The following AGBL4 variants were observed in gnomAD, a reference collection of about 807,000 sequenced individuals.
AGBL4 encodes the protein cytosolic carboxypeptidase 6.
In AGBL4, 58 loss-of-function variants were observed where a neutral mutation model predicts 66.4. The ratio of observed to expected loss-of-function variants is 0.87; its 90% CI spans 0.71 to 1.09. The LOEUF (loss-of-function observed/expected upper bound fraction) is 1.09. Among genes scored for constraint, AGBL4 ranks in the 50% least tolerant of loss-of-function variants. The pLI is 0.00. For synonymous variants in AGBL4, 234 were observed against 222.9 expected, an observed-to-expected ratio of 1.05 and a Z score of -0.44; for missense variants, 579 against 631.0, an observed-to-expected ratio of 0.92 and a Z score of 0.88.
chr1:48,651,405 G>A (rs113464592), intron 8 of AGBL4, among the ~76,000 whole-genome samples: 5 of 152,244 alleles, frequency 3.3e-5, no homozygotes, highest in East Asian at 1.9e-4. Context: ...AGTCCTTCCC[G>A]AGACAGCAGA....
At chr1:49,717,011 C>T (rs1648198445) in intron 2 of AGBL4, among the ~76,000 whole-genome samples, 1 of 151,916 alleles carries the variant, frequency 6.6e-6, no homozygotes, top group African/African-American at 2.4e-5. Flanking sequence ...ATGACATGAT[C>T]ATAGATTTAG....
At chr1:49,831,656 G>T (rs1645683538) in intron 2 of AGBL4, among the ~76,000 whole-genome samples, 1 of 152,156 alleles carries the variant, frequency 6.6e-6, no homozygotes, top group African/African-American at 2.4e-5. Context: ...TGTTGAATAG[G>T]AGTGGTGAGA....
chr1:49,295,521 C>T (rs745335159), intron 3 of AGBL4, among the ~76,000 whole-genome samples: 42 of 152,262 alleles, frequency 2.8e-4, no homozygotes, highest in Non-Finnish European at 5.1e-4. Flanking sequence ...TGTGAAACAA[C>T]ATAGTGTAGT....
Position 49,369,954 on chromosome 1 carries a change from T to C in AGBL4, c.283-124090A>G, listed in dbSNP as rs1041718298. On this transcript the variant is annotated intron_variant, in intron 3 of 13. Transcript: ENST00000371839. ...GTCAAAGGCTTAAATAGAATGAAAA[T>C]ACCACCCTCCTTGAGCAAGAAGAGT... Among the ~76,000 whole-genome samples the C allele has an allele frequency of 2.8e-4, 42 of 151,386 alleles. 1 individual carries two copies. The highest frequency in any genetic ancestry group is 9.4e-4 in the African/African-American group (39 of 41,296).
intron 3 of AGBL4, among the ~76,000 whole-genome samples, chr1:49,286,342 G>T (rs1333525528): frequency 1.3e-5 from 2 of 151,654 alleles, no homozygotes; most frequent in African/African-American, 4.9e-5. Flanking sequence ...ATTCAACATA[G>T]TATTGGAAGT....
At chr1:49,652,640 C>T (rs943500347) in intron 3 of AGBL4, among the ~76,000 whole-genome samples, 2 of 152,160 alleles carry the variant, frequency 1.3e-5, no homozygotes, top group African/African-American at 4.8e-5. Flanking sequence ...GTTGTTTTCC[C>T]CTGCTGCCAG....
At chr1:49,621,800 C>A (rs1459821225) in intron 3 of AGBL4, among the ~76,000 whole-genome samples, 3 of 152,194 alleles carry the variant, frequency 2.0e-5, no homozygotes, top group African/African-American at 7.2e-5. Context: ...ATGATACAAT[C>A]TGTGTGTGGA....
At chr1:48,910,623 G>C (rs1202593858) in intron 5 of AGBL4, among the ~76,000 whole-genome samples, 2 of 151,618 alleles carry the variant, frequency 1.3e-5, no homozygotes, top group African/African-American at 4.9e-5. Context: ...ACAGAAGCAA[G>C]AGAAAGAATG....
intron 2 of AGBL4, among the ~76,000 whole-genome samples, chr1:49,703,013 C>G (rs566008857): frequency 6.6e-6 from 1 of 152,170 alleles, no homozygotes; most frequent in South Asian, 2.1e-4. Flanking sequence ...AACATTATCC[C>G]TCTAAGATCA....
chr1:48,589,762 TC>T (rs957759399), intron 10 of AGBL4, among the ~76,000 whole-genome samples: 5 of 152,164 alleles, frequency 3.3e-5, no homozygotes, highest in African/African-American at 1.2e-4. Context: ...GAAATTATCG[TC>T]CAGCAATTAC....
chr1:49,701,805 A>G (rs1181525265), intron 2 of AGBL4, among the ~76,000 whole-genome samples: 2 of 152,164 alleles, frequency 1.3e-5, no homozygotes, highest in African/African-American at 4.8e-5. Flanking sequence ...AGGACATACT[A>G]TAACCAACTG....
At chr1:48,771,023 C>T (rs1644799292) in intron 6 of AGBL4, among the ~76,000 whole-genome samples, 1 of 152,208 alleles carries the variant, frequency 6.6e-6, no homozygotes, top group Non-Finnish European at 1.5e-5. Flanking sequence ...AAATCTCTAT[C>T]TCACAAGGAT....
At chr1:48,873,554 C>T (rs929290996) in intron 5 of AGBL4, among the ~76,000 whole-genome samples, 2 of 152,118 alleles carry the variant, frequency 1.3e-5, no homozygotes, top group African/African-American at 4.8e-5. Context: ...GCTGTGCCCT[C>T]TTTATTTCTC....
intron 5 of AGBL4, among the ~76,000 whole-genome samples, chr1:49,006,283 C>T (rs927656262): frequency 3.3e-5 from 5 of 152,134 alleles, no homozygotes; most frequent in African/African-American, 7.2e-5. Context: ...CCTGGAAAAT[C>T]GGGTCACTCC....
chr1:49,995,602 C>A, intron 1 of AGBL4: 1 of 254,984 alleles, frequency 3.9e-6, no homozygotes, highest in Non-Finnish European at 7.9e-6. Context: ...CTCTTGGGAA[C>A]TCTATGCCCC....
chr1:49,934,146 G>T (rs1653675880), intron 1 of AGBL4, among the ~76,000 whole-genome samples: 1 of 152,140 alleles, frequency 6.6e-6, no homozygotes. Context: ...ACATATGAGA[G>T]CTATTAAATA....
intron 2 of AGBL4, among the ~76,000 whole-genome samples, chr1:49,759,283 A>T (rs1223232194): frequency 6.6e-6 from 1 of 152,206 alleles, no homozygotes; most frequent in African/African-American, 2.4e-5. Context: ...AGTTTTCTTC[A>T]CTAAAACCAG....
chr1:49,956,415 G>C (rs904700334), intron 1 of AGBL4, among the ~76,000 whole-genome samples: 1 of 151,568 alleles, frequency 6.6e-6, no homozygotes, highest in Admixed American at 6.6e-5. Context: ...AGGAAGTACA[G>C]AAAATAAAAA....
chr1:49,309,201 C>A (rs1011711048), intron 3 of AGBL4, among the ~76,000 whole-genome samples: 1 of 152,086 alleles, frequency 6.6e-6, no homozygotes, highest in Non-Finnish European at 1.5e-5. Flanking sequence ...AAATTAATTT[C>A]ATTGCTATAT....
Sources: gnomAD v4.1 joint callset for allele counts (sites outside exome capture counted in the v4.1 genomes callset) on GRCh38, gnomAD v4.1.1 for gene constraint, MANE v1.5 for transcripts, NCBI Gene and HGNC (gene_info 2026-07-23, HGNC 2026-07-21) for gene names.